The following BAALC variants were observed in gnomAD, a reference collection of about 807,000 sequenced individuals.
BAALC encodes the protein brain and acute leukemia cytoplasmic protein.
Under a neutral mutation model 15.5 loss-of-function variants are expected in BAALC, and 9 were observed. That is an observed-to-expected ratio of 0.58 (90% CI 0.35 to 1.02). BAALC has a LOEUF of 1.02. Among genes scored for constraint, BAALC ranks in the 50% least tolerant of loss-of-function variants. BAALC has a pLI of 0.02. For missense variants in BAALC, 201 were observed against 192.4 expected, an observed-to-expected ratio of 1.04 and a Z score of -0.27; for synonymous variants, 80 against 74.6, an observed-to-expected ratio of 1.07 and a Z score of -0.37.
intron 1 of BAALC, among the ~76,000 whole-genome samples, chr8:103,190,732 A>G (rs1811947589): frequency 2.0e-5 from 3 of 152,118 alleles, no homozygotes; most frequent in South Asian, 4.1e-4. Flanking sequence ...ATTGATTTCC[A>G]TTTTCAACTC....
chr8:103,214,182 T>C (rs1812510439), intron 2 of BAALC, among the ~76,000 whole-genome samples: 1 of 152,216 alleles, frequency 6.6e-6, no homozygotes, highest in South Asian at 2.1e-4. Flanking sequence ...TTTGGCCTTC[T>C]GACTTCAAAA....
intron 1 of BAALC, among the ~76,000 whole-genome samples, chr8:103,173,080 T>C (rs1013313386): frequency 2.0e-5 from 3 of 152,232 alleles, no homozygotes; most frequent in African/African-American, 4.8e-5. Flanking sequence ...TTTTGCCCAC[T>C]GGATCCTTTT....
chr8:103,176,274 G>A (rs922293553), intron 1 of BAALC, among the ~76,000 whole-genome samples: 1 of 152,124 alleles, frequency 6.6e-6, no homozygotes, highest in Non-Finnish European at 1.5e-5. Flanking sequence ...AGAAAGCACT[G>A]TTAAATTAAT....
Position 103,141,022 on chromosome 8 carries a change from C to G in BAALC, c.125C>G (p.Pro42Arg). Residue 42 changes from proline to arginine, a missense_variant, in exon 1 of 3, where the codon CCG becomes CGG. Pro to Arg is a moderately radical substitution (Grantham distance 103, BLOSUM62 -2). Transcript: ENST00000309982. The stretch of plus-strand genomic sequence containing the variant: ...GACGCGCCGCCCAGCGCCGCCGCCC[C>G]GGACAGCGGCCCCGAAGCGGGCGGC... The part of the protein sequence containing the change: ...DSDAPPSAAA[P>R]DSGPEAGGLH... The G allele has an allele frequency of 1.3e-6, 2 of 1,518,606 alleles. No homozygotes were observed. The highest frequency in any genetic ancestry group is 1.4e-5 in the African/African-American group (1 of 69,272). 94.1% of individuals were successfully genotyped at this position (1,518,606 alleles called of 1,614,324 possible).
At chr8:103,178,300 T>C (rs1811648495) in intron 1 of BAALC, among the ~76,000 whole-genome samples, 1 of 152,226 alleles carries the variant, frequency 6.6e-6, no homozygotes, top group Non-Finnish European at 1.5e-5. Flanking sequence ...GTGATGGAGC[T>C]GTTCTGTATC....
At chr8:103,224,628 T>C (rs1812762377) in intron 2 of BAALC, among the ~76,000 whole-genome samples, 3 of 151,976 alleles carry the variant, frequency 2.0e-5, no homozygotes, top group Admixed American at 1.3e-4. Flanking sequence ...GTTTCTTATC[T>C]GACCTAAAAG....
chr8:103,142,925 TGGTCCTG>T (rs1810814398), intron 1 of BAALC, among the ~76,000 whole-genome samples: 2 of 152,098 alleles, frequency 1.3e-5, no homozygotes, highest in South Asian at 2.1e-4. Flanking sequence ...GCCAGAGAGG[TGGTCCTG>T]AAGGCCTGCA....
chr8:103,182,685 G>A (rs573369496), intron 1 of BAALC, among the ~76,000 whole-genome samples: 137 of 152,272 alleles, frequency 9.0e-4, no homozygotes, highest in African/African-American at 3.0e-3. Context: ...TCAAGAAGGC[G>A]CTAACTGACC....
At chr8:103,181,448 T>A (rs1376234498) in intron 1 of BAALC, among the ~76,000 whole-genome samples, 2 of 151,070 alleles carry the variant, frequency 1.3e-5, no homozygotes, top group Non-Finnish European at 3.0e-5. Context: ...ATTTTTTGTA[T>A]TTTTAGTAGA....
At chr8:103,154,290 G>T (rs1180772857) in intron 1 of BAALC, among the ~76,000 whole-genome samples, 3 of 152,086 alleles carry the variant, frequency 2.0e-5, no homozygotes, top group Non-Finnish European at 4.4e-5. Context: ...GAGCAGTGGG[G>T]TGGGGTTTGG....
intron 1 of BAALC, among the ~76,000 whole-genome samples, chr8:103,205,337 C>T (rs1278754770): frequency 6.6e-6 from 1 of 152,192 alleles, no homozygotes; most frequent in Non-Finnish European, 1.5e-5. Context: ...TATTTCCTAT[C>T]TTTTGGCAAG....
intron 1 of BAALC, among the ~76,000 whole-genome samples, chr8:103,193,637 C>T (rs917799462): frequency 6.6e-6 from 1 of 152,216 alleles, no homozygotes; most frequent in East Asian, 1.9e-4. Context: ...CTGGATCCAT[C>T]ACTGGTTGGT....
intron 1 of BAALC, among the ~76,000 whole-genome samples, chr8:103,194,056 G>T (rs7815503): frequency 6.6e-6 from 1 of 152,070 alleles, no homozygotes; most frequent in East Asian, 1.9e-4. Flanking sequence ...AAAGCAAGTC[G>T]TTTTCTTTTG....
intron 1 of BAALC, among the ~76,000 whole-genome samples, chr8:103,144,310 T>C (rs1810838987): frequency 6.6e-6 from 1 of 152,168 alleles, no homozygotes; most frequent in Non-Finnish European, 1.5e-5. Context: ...TTGGAGATCA[T>C]CTCCACTACT....
chr8:103,213,518 A>G (rs1048614913), intron 2 of BAALC: 2 of 156,054 alleles, frequency 1.3e-5, no homozygotes, highest in Admixed American at 1.3e-4. Context: ...CCAGGTGGAC[A>G]TTGGAAGGGC....
At chr8:103,220,213 A>T (rs1812647749) in intron 2 of BAALC, among the ~76,000 whole-genome samples, 1 of 152,180 alleles carries the variant, frequency 6.6e-6, no homozygotes, top group African/African-American at 2.4e-5. Context: ...CACCATCTTT[A>T]GTTTGACTCA....
intron 2 of BAALC, among the ~76,000 whole-genome samples, chr8:103,221,587 A>G (rs997544734): frequency 6.6e-6 from 1 of 152,168 alleles, no homozygotes; most frequent in African/African-American, 2.4e-5. Flanking sequence ...AGGGGAAAAT[A>G]CGTTGTATAA....
intron 2 of BAALC, among the ~76,000 whole-genome samples, chr8:103,215,379 A>T (rs1304636500): frequency 6.6e-6 from 1 of 152,248 alleles, no homozygotes; most frequent in Non-Finnish European, 1.5e-5. Flanking sequence ...TTAAGAAGAT[A>T]GAACATAGCT....
At chr8:103,204,454 T>A (rs1343787263) in intron 1 of BAALC, among the ~76,000 whole-genome samples, 1 of 152,218 alleles carries the variant, frequency 6.6e-6, no homozygotes, top group Non-Finnish European at 1.5e-5. Flanking sequence ...TCATTGTTGT[T>A]GCTTGTGCTT....
Sources: gnomAD v4.1 joint callset for allele counts (sites outside exome capture counted in the v4.1 genomes callset) on GRCh38, gnomAD v4.1.1 for gene constraint, MANE v1.5 for transcripts, NCBI Gene and HGNC (gene_info 2026-07-23, HGNC 2026-07-21) for gene names.